RERE: variants seen among roughly 807,000 people sequenced by gnomAD.
RERE encodes arginine-glutamic acid dipeptide repeats protein.
RERE carries 40 observed loss-of-function variants against 146.1 expected under a neutral mutation model. The observed-to-expected ratio is 0.27, with a 90% confidence interval of 0.21 to 0.36. The LOEUF is 0.36. Ranked by LOEUF, RERE falls within the 10% of genes least tolerant of loss-of-function variation. The pLI is 1.00. For missense variants in RERE, 1,933 were observed against 2,138.7 expected (o/e 0.90, Z 1.90); for synonymous variants, 1,003 against 866.0 (o/e 1.16, Z -2.78).
intron 7 of RERE, among the ~76,000 whole-genome samples, chr1:8,537,804 C>CA (rs1007807327): frequency 7.3e-5 from 11 of 150,796 alleles, no homozygotes; most frequent in African/African-American, 1.7e-4. Flanking sequence ...CCATCAGGAA[C>CA]AAAAAAAATC....
At chr1:8,497,350 T>A in intron 9 of RERE, 55 bp downstream of exon 9, 1 of 1,601,120 alleles carries the variant, frequency 6.2e-7, no homozygotes, top group Non-Finnish European at 8.5e-7. Context: ...TTACTGCCTA[T>A]AATCAGTTCA....
intron 1 of RERE, among the ~76,000 whole-genome samples, chr1:8,708,914 T>TG (rs1557495259): frequency 1.5e-5 from 2 of 133,678 alleles, no homozygotes; most frequent in Non-Finnish European, 3.2e-5. Context: ...AGTTTTTTTT[T>TG]TTTTTTTTTT....
intron 2 of RERE, among the ~76,000 whole-genome samples, chr1:8,642,428 C>T (rs1557452120): frequency 6.6e-6 from 1 of 152,186 alleles, no homozygotes; most frequent in East Asian, 1.9e-4. Flanking sequence ...GAAGTTTATG[C>T]ACAACACTGA....
intron 1 of RERE, among the ~76,000 whole-genome samples, chr1:8,793,977 A>G (rs1641416514): frequency 6.6e-6 from 1 of 152,042 alleles, no homozygotes; most frequent in South Asian, 2.1e-4. Flanking sequence ...CTGAGGCACG[A>G]GAATCGCTTG....
intron 12 of RERE, among the ~76,000 whole-genome samples, chr1:8,400,801 A>G (rs372917386): frequency 7.3e-6 from 1 of 136,206 alleles, no homozygotes; most frequent in East Asian, 2.3e-4. Context: ...TCCAGGAGTT[A>G]AAGACCACCC....
At chr1:8,497,153 G>A (rs1245628164) in intron 9 of RERE, among the ~76,000 whole-genome samples, 1 of 152,122 alleles carries the variant, frequency 6.6e-6, no homozygotes, top group Non-Finnish European at 1.5e-5. Context: ...TTTTCCTCTT[G>A]AAAAGTTCCA....
chr1:8,811,123 C>A (rs1490534693), intron 1 of RERE, among the ~76,000 whole-genome samples: 2 of 152,212 alleles, frequency 1.3e-5, no homozygotes, highest in Admixed American at 6.5e-5. Flanking sequence ...TGTGGATATA[C>A]TTCCCCAGCA....
intron 21 of RERE, among the ~76,000 whole-genome samples, 172 bp downstream of exon 21, chr1:8,355,928 A>C (rs1172700884): frequency 1.3e-5 from 2 of 152,056 alleles, no homozygotes; most frequent in African/African-American, 2.4e-5. Context: ...TACCCCAGAC[A>C]GCCCCCAGAG....
chr1:8,465,669 A>C, intron 11 of RERE: 1 of 568,516 alleles, frequency 1.8e-6, no homozygotes, highest in Non-Finnish European at 3.3e-6. Flanking sequence ...TTTTAGGAGT[A>C]ACTATCAATT....
intron 1 of RERE, among the ~76,000 whole-genome samples, chr1:8,779,566 GACAGGAGAATTGCTTGA>G: frequency 6.6e-6 from 1 of 151,952 alleles, no homozygotes; most frequent in South Asian, 2.1e-4. Flanking sequence ...GGGAGGCTGA[GACAGGAGAATTGCTTGA>G]ACCTGGGAGG....
intron 12 of RERE, among the ~76,000 whole-genome samples, chr1:8,394,170 G>A (rs942222809): frequency 6.6e-6 from 1 of 152,146 alleles, no homozygotes; most frequent in African/African-American, 2.4e-5. Flanking sequence ...AATGCAGGTG[G>A]CTCTAACTGC....
At chr1:8,540,152 G>A (rs1313163191) in intron 7 of RERE, among the ~76,000 whole-genome samples, 1 of 152,128 alleles carries the variant, frequency 6.6e-6, no homozygotes, top group Non-Finnish European at 1.5e-5. Context: ...GGAGAGTGCA[G>A]TGGTGCCAAC....
intron 6 of RERE, among the ~76,000 whole-genome samples, chr1:8,544,006 C>A (rs1187003812): frequency 2.0e-5 from 3 of 152,120 alleles, no homozygotes; most frequent in Non-Finnish European, 4.4e-5. Context: ...AAAGAGTGAA[C>A]ATCCTTGGCT....
At chr1:8,600,612 G>C in intron 4 of RERE, among the ~76,000 whole-genome samples, 1 of 152,168 alleles carries the variant, frequency 6.6e-6, no homozygotes, top group East Asian at 1.9e-4. Flanking sequence ...AGGAAGATCA[G>C]AAAGTCCCCC....
chr1:8,704,512 C>T (rs1436514005), intron 1 of RERE, among the ~76,000 whole-genome samples: 1 of 152,082 alleles, frequency 6.6e-6, no homozygotes, highest in African/African-American at 2.4e-5. Flanking sequence ...TTTCCAAGGC[C>T]CTATAAAGTG....
intron 1 of RERE, among the ~76,000 whole-genome samples, chr1:8,661,150 C>A (rs543971196): frequency 1.3e-5 from 2 of 152,204 alleles, no homozygotes; most frequent in South Asian, 4.1e-4. Context: ...GGGGCTTTGA[C>A]CCTGAGTAGG....
intron 7 of RERE, chr1:8,525,877 G>A: frequency 6.8e-7 from 1 of 1,461,170 alleles, no homozygotes; most frequent in East Asian, 2.7e-5. Flanking sequence ...ACTCAAAATG[G>A]AGGCACATGC....
intron 10 of RERE, among the ~76,000 whole-genome samples, chr1:8,480,289 A>G (rs909748452): frequency 1.4e-4 from 21 of 151,326 alleles, no homozygotes; most frequent in African/African-American, 4.9e-4. Flanking sequence ...ACGGGTGTGC[A>G]CCACCACACC....
rs115200782 is a variant in RERE, at chr1:8,595,053, C to A, written c.522+19508G>T. On this transcript the variant is annotated intron_variant, in intron 4 of 22. Coordinates refer to ENST00000400908, the MANE Select transcript of RERE (RefSeq NM_001042681.2). ...ATGTGCTTGTGTGGTCCCAGCTACT[C>A]AAAAGGCTGAGGCAGGAGGATCGCT... Among the ~76,000 whole-genome samples the A allele has an allele frequency of 7.0e-3, 1,051 of 150,968 alleles. 7 individuals carry two copies. The highest frequency in any genetic ancestry group is 0.023 in the African/African-American group (965 of 41,100).
Sources: gnomAD v4.1 joint callset for allele counts (sites outside exome capture counted in the v4.1 genomes callset) on GRCh38, gnomAD v4.1.1 for gene constraint, MANE v1.5 for transcripts, NCBI Gene and HGNC (gene_info 2026-07-23, HGNC 2026-07-21) for gene names.